The following ITSN2 variants were observed in gnomAD, a reference collection of about 807,000 sequenced individuals.
ITSN2 encodes the protein intersectin 2, also known as intersectin-2.
In ITSN2, 156 loss-of-function variants were observed where a neutral mutation model predicts 243.7. That is an observed-to-expected ratio of 0.64 (90% CI 0.56 to 0.73). The LOEUF (loss-of-function observed/expected upper bound fraction) is 0.73, where lower values mean the gene tolerates loss of function less well. Among genes scored for constraint, ITSN2 ranks in the 30% least tolerant of loss-of-function variants. ITSN2 has a pLI of 0.00. For missense variants in ITSN2, 1,801 were observed against 1,996.1 expected, an observed-to-expected ratio of 0.90 and a Z score of 1.86; for synonymous variants, 703 against 699.9, an observed-to-expected ratio of 1.00 and a Z score of -0.07.
At chr2:24,274,266 C>T (rs1253972197) in intron 18 of ITSN2, among the ~76,000 whole-genome samples, 1 of 152,028 alleles carries the variant, frequency 6.6e-6, no homozygotes, top group Non-Finnish European at 1.5e-5. Flanking sequence ...CGTTAGGAGG[C>T]CACAAAAACA....
In ITSN2 at chr2:24,210,823, A is replaced by G. The variant is rs766305936; in HGVS notation, c.4214T>C (p.Leu1405Pro). 1.2e-6 allele frequency: 2 copies of G among 1,614,050 alleles called. No individual in the cohort carries two copies. The change falls in exon 34 of 40, where the codon CTG (leucine) becomes CCG (proline). Residue 1405 changes from leucine (L) to proline (P), a missense_variant. Leu to Pro is a moderately conservative substitution (Grantham distance 98, BLOSUM62 -3). Transcript: ENST00000355123. Reference sequence around the variant, plus strand: ...CTGCACGTGCGCCTGGATCCACTCCAGTCGGTCCGAGTTTTCCTTCTCCCG... The same window carrying G: ...CTGCACGTGCGCCTGGATCCACTCCGGTCGGTCCGAGTTTTCCTTCTCCCG... ...GVREKENSDR[L>P]EWIQAHVQCE...
At chr2:24,281,310 G>A (rs1480323773) in intron 17 of ITSN2, among the ~76,000 whole-genome samples, 9 of 152,224 alleles carry the variant, frequency 5.9e-5, no homozygotes, top group South Asian at 2.1e-4. Flanking sequence ...GATTATAGGC[G>A]TGAGACACCA....
intron 13 of ITSN2, among the ~76,000 whole-genome samples, 199 bp downstream of exon 13, chr2:24,298,465 AT>A (rs551187399): frequency 2.6e-4 from 38 of 145,980 alleles, no homozygotes; most frequent in Admixed American, 8.2e-4. Flanking sequence ...CAGCTGGCTA[AT>A]TTTTTTTTTT....
intron 39 of ITSN2, 105 bp from the exon 40 acceptor site, chr2:24,203,888 AG>A: frequency 1.6e-6 from 2 of 1,255,770 alleles, no homozygotes; most frequent in Non-Finnish European, 2.2e-6. Flanking sequence ...ATCTGAAACA[AG>A]GAACTTCTTT....
intron 14 of ITSN2, among the ~76,000 whole-genome samples, chr2:24,295,065 C>T (rs774295715): frequency 2.0e-5 from 3 of 152,050 alleles, no homozygotes; most frequent in African/African-American, 7.2e-5. Context: ...AGTCTAAGGT[C>T]GTTTGTTATA....
chr2:24,347,952 T>C (rs563752130), intron 1 of ITSN2, among the ~76,000 whole-genome samples: 46 of 152,136 alleles, frequency 3.0e-4, no homozygotes, highest in African/African-American at 1.1e-3. Flanking sequence ...GGTGTGCATC[T>C]ATAGTCCTAG....
chr2:24,280,012 G>A (rs758154683), intron 17 of ITSN2, among the ~76,000 whole-genome samples: 14 of 152,054 alleles, frequency 9.2e-5, no homozygotes, highest in Non-Finnish European at 1.8e-4. Context: ...GATTACAGGC[G>A]TGAGCCACAG....
chr2:24,311,261 C>T (rs946200268), intron 5 of ITSN2, among the ~76,000 whole-genome samples: 7 of 152,190 alleles, frequency 4.6e-5, no homozygotes, highest in Admixed American at 1.3e-4. Context: ...TTAAAAGGAA[C>T]AAAGTGATGA....
chr2:24,242,877 C>G (rs1251325703), intron 29 of ITSN2, among the ~76,000 whole-genome samples: 1 of 152,006 alleles, frequency 6.6e-6, no homozygotes, highest in Non-Finnish European at 1.5e-5. Context: ...CTAAAAAAAA[C>G]CCACATATAC....
intron 8 of ITSN2, 152 bp downstream of exon 8, chr2:24,308,465 T>C (rs1682825945): frequency 2.2e-6 from 1 of 457,766 alleles, no homozygotes; most frequent in African/African-American, 2.0e-5. Flanking sequence ...CTTATACAAC[T>C]TCAGGTATTT....
At chr2:24,316,936 G>C (rs1019773624) in intron 2 of ITSN2, among the ~76,000 whole-genome samples, 1 of 152,210 alleles carries the variant, frequency 6.6e-6, no homozygotes, top group Non-Finnish European at 1.5e-5. Flanking sequence ...CGAAGGCCTA[G>C]TGATTCTCTA....
chr2:24,226,845 A>G (rs567830239), intron 29 of ITSN2, among the ~76,000 whole-genome samples: 1 of 152,278 alleles, frequency 6.6e-6, no homozygotes, highest in Non-Finnish European at 1.5e-5. Context: ...TTATTTTCAG[A>G]TATTTCACTT....
chr2:24,306,187 C>T (rs1574245232), intron 8 of ITSN2, among the ~76,000 whole-genome samples: 1 of 152,254 alleles, frequency 6.6e-6, no homozygotes, highest in South Asian at 2.1e-4. Context: ...ACCATGTTGA[C>T]CAGGCTGGTC....
chr2:24,210,098 C>T, intron 34 of ITSN2, 65 bp from the exon 35 acceptor site: 1 of 1,201,116 alleles, frequency 8.3e-7, no homozygotes. Context: ...CCCTGAGAGG[C>T]CAGTGCCCTG....
intron 20 of ITSN2, among the ~76,000 whole-genome samples, chr2:24,262,693 A>G (rs1207365829): frequency 6.6e-6 from 1 of 152,202 alleles, no homozygotes; most frequent in Non-Finnish European, 1.5e-5. Flanking sequence ...AATGAATCCA[A>G]GAGCTATGAT....
chr2:24,343,200 A>G (rs1687209276), intron 1 of ITSN2, among the ~76,000 whole-genome samples: 1 of 152,144 alleles, frequency 6.6e-6, no homozygotes, highest in African/African-American at 2.4e-5. Context: ...CAATTAGCAT[A>G]AGATCCTTAA....
chr2:24,295,931 T>C (rs980054901), intron 13 of ITSN2, 127 bp from the exon 14 acceptor site: 2 of 616,252 alleles, frequency 3.2e-6, no homozygotes, highest in Non-Finnish European at 5.1e-6. Context: ...CTGAAACAAA[T>C]GCCTAAAACC....
intron 29 of ITSN2, among the ~76,000 whole-genome samples, chr2:24,226,937 G>A (rs1671084879): frequency 6.6e-6 from 1 of 152,042 alleles, no homozygotes; most frequent in South Asian, 2.1e-4. Context: ...TAGTAGAGAT[G>A]AAACCCCATC....
intron 29 of ITSN2, among the ~76,000 whole-genome samples, chr2:24,230,668 C>T (rs2543669): frequency 0.98 from 148,832 of 152,178 alleles, 72,775 homozygotes; most frequent in East Asian, 0.99. Flanking sequence ...CTTGGGAGGC[C>T]GAGGCTGGAG....
Sources: gnomAD v4.1 joint callset for allele counts (sites outside exome capture counted in the v4.1 genomes callset) on GRCh38, gnomAD v4.1.1 for gene constraint, MANE v1.5 for transcripts, NCBI Gene and HGNC (gene_info 2026-07-23, HGNC 2026-07-21) for gene names.